TSHR: variants seen among roughly 807,000 people sequenced by gnomAD.
TSHR encodes the protein thyrotropin receptor.
In TSHR, 51 loss-of-function variants were observed where a neutral mutation model predicts 64.1. That is an observed-to-expected ratio of 0.80 (90% CI 0.64 to 1.01). TSHR has a LOEUF of 1.01. Ranked by LOEUF, TSHR falls within the 50% of genes least tolerant of loss-of-function variation. TSHR has a pLI of 0.00. For synonymous variants in TSHR, 361 were observed against 361.9 expected (o/e 1.00, Z 0.03); for missense variants, 877 against 942.8 (o/e 0.93, Z 0.91).
In TSHR at chr14:81,067,927, C is replaced by CTATATATATATATATATATATA. The variant is rs10528934; in HGVS notation, c.243-321_243-300dup. ...TAGTGGAACATTCCACAGGGTGACA[C>CTATATATATATATATATATATA]TATATATATATATATATATATATAT... is the stretch of plus-strand genomic sequence containing the variant. On this transcript the variant is annotated intron_variant, in intron 2 of 9. Transcript: ENST00000298171. Among the ~76,000 whole-genome samples, 826 of 95,526 alleles carry CTATATATATATATATATATATA rather than the reference C, an allele frequency of 8.6e-3. 50 individuals are homozygous for CTATATATATATATATATATATA. Among genetic ancestry groups the CTATATATATATATATATATATA allele is most frequent in the African/African-American group, 0.025 (423 of 16,784 alleles). 62.7% of individuals were successfully genotyped at this position (95,526 alleles called of 152,430 possible). A position where few individuals can be genotyped will look rare whatever the true frequency, so the allele number is the denominator to read the frequency against.
At chr14:81,096,414 T>G (rs1889193945) in intron 6 of TSHR, among the ~76,000 whole-genome samples, 1 of 152,170 alleles carries the variant, frequency 6.6e-6, no homozygotes, top group Non-Finnish European at 1.5e-5. Context: ...AGAAACACCT[T>G]AAATTTACTA....
At chr14:81,025,391 C>G (rs559278920) in intron 1 of TSHR, among the ~76,000 whole-genome samples, 1 of 151,866 alleles carries the variant, frequency 6.6e-6, no homozygotes, top group Non-Finnish European at 1.5e-5. Flanking sequence ...ATTAAACTTG[C>G]AGTTCAAAGA....
intron 1 of TSHR, among the ~76,000 whole-genome samples, chr14:80,990,676 C>T (rs919467299): frequency 3.3e-5 from 5 of 150,666 alleles, no homozygotes; most frequent in Admixed American, 6.6e-5. Context: ...TTTTTTTACA[C>T]GGAGTTTCGC....
intron 1 of TSHR, among the ~76,000 whole-genome samples, chr14:80,996,309 C>T (rs1484934730): frequency 2.0e-5 from 3 of 152,094 alleles, no homozygotes; most frequent in African/African-American, 7.2e-5. Context: ...CTTCTACATC[C>T]TCCCTCTTTC....
At chr14:80,983,748 T>A (rs1888295021) in intron 1 of TSHR, 1 of 386,782 alleles carries the variant, frequency 2.6e-6, no homozygotes, top group South Asian at 1.3e-4. Context: ...AGTTATACAT[T>A]GCATCTTTAA....
chr14:81,042,875 C>T (rs556135395), intron 1 of TSHR, among the ~76,000 whole-genome samples: 1 of 152,188 alleles, frequency 6.6e-6, no homozygotes, highest in South Asian at 2.1e-4. Flanking sequence ...CACAACTATA[C>T]ATGTACTGAA....
Position 81,016,958 on chromosome 14 carries a change from C to T in TSHR, c.171-45190C>T, listed in dbSNP as rs368493241. 3.2e-4 allele frequency among the ~76,000 whole-genome samples: 49 copies of T among 152,208 alleles called. No homozygotes were observed. In the Middle Eastern group the frequency reaches 0.027, roughly 85 times the overall value. ...TACAATGTTAGATGTGTGTTGGAAACCAGCATGTGAATGTCACCTCAACAA... is the reference window on the plus strand; with the variant it reads ...TACAATGTTAGATGTGTGTTGGAAATCAGCATGTGAATGTCACCTCAACAA... On this transcript the variant is annotated intron_variant, in intron 1 of 9. Coordinates refer to ENST00000298171, the MANE Select transcript of TSHR (RefSeq NM_000369.5).
chr14:81,028,500 G>T (rs1884187124), intron 1 of TSHR, among the ~76,000 whole-genome samples: 1 of 151,898 alleles, frequency 6.6e-6, no homozygotes, highest in Non-Finnish European at 1.5e-5. Flanking sequence ...CATTGAGTTG[G>T]GATCCCAAAG....
intron 3 of TSHR, among the ~76,000 whole-genome samples, chr14:81,073,017 A>AAAAAAATAT (rs1555376957): frequency 3.3e-5 from 3 of 91,192 alleles, no homozygotes; most frequent in African/African-American, 1.3e-4. Context: ...AAAAATAAAA[A>AAAAAAATAT]ATAAATATAT....
In TSHR at chr14:81,024,318, G is replaced by A. The variant is rs568527000; in HGVS notation, c.171-37830G>A. ...GTCTGGAGTGCAGTGGCGCAATCTC[G>A]GCTCACTGCAACCTCCACCTTCCGG... On this transcript the variant is annotated intron_variant, in intron 1 of 9. Coordinates refer to ENST00000298171, the MANE Select transcript of TSHR (RefSeq NM_000369.5). Among the ~76,000 whole-genome samples, 6 of 151,844 alleles carry A rather than the reference G, an allele frequency of 4.0e-5. 1 individual carries two copies. Among genetic ancestry groups the A allele is most frequent in the African/African-American group, 1.5e-4 (6 of 41,374 alleles).
intron 1 of TSHR, chr14:81,001,591 C>A: frequency 1.9e-6 from 1 of 525,496 alleles, no homozygotes; most frequent in South Asian, 1.4e-5. Flanking sequence ...TTGGCCTGGG[C>A]ACTACCAACT....
At chr14:80,971,659 T>TATGA (rs1887595251) in intron 1 of TSHR, among the ~76,000 whole-genome samples, 1 of 152,196 alleles carries the variant, frequency 6.6e-6, no homozygotes, top group South Asian at 2.1e-4. Flanking sequence ...ATTGAAAGGA[T>TATGA]ATGAAGCACC....
Position 81,143,891 on chromosome 14 carries a change from G to A in TSHR, c.1833G>A (p.Pro611=), listed in dbSNP as rs374858561. The change falls in exon 10 of 10, where the codon CCG becomes CCA. Residue 611 remains proline (P), a synonymous_variant. Coordinates refer to ENST00000298171, the MANE Select transcript of TSHR (RefSeq NM_000369.5). ...YVKIYITVRN[P]QYNPGDKDTK... ...AGATCTACATCACAGTCCGAAATCC[G>A]CAGTACAACCCAGGGGACAAAGATA... is the stretch of plus-strand genomic sequence containing the variant. 44 of 1,613,882 alleles carry A rather than the reference G, an allele frequency of 2.7e-5. No individual in the cohort carries two copies. The highest frequency in any genetic ancestry group is 2.5e-4 in the East Asian group (11 of 44,878).
chr14:81,075,796 T>C (rs1396227896), intron 3 of TSHR, among the ~76,000 whole-genome samples: 1 of 151,938 alleles, frequency 6.6e-6, no homozygotes, highest in Non-Finnish European at 1.5e-5. Context: ...CATTACTGAG[T>C]ATATACCCAA....
At chr14:81,121,371 G>C (rs148124681) in intron 8 of TSHR, among the ~76,000 whole-genome samples, 16 of 152,144 alleles carry the variant, frequency 1.1e-4, no homozygotes. Flanking sequence ...ATTCTGAAGG[G>C]AAAGTCATTT....
At chr14:81,018,801 G>T (rs1377645107) in intron 1 of TSHR, among the ~76,000 whole-genome samples, 2 of 152,094 alleles carry the variant, frequency 1.3e-5, no homozygotes, top group African/African-American at 2.4e-5. Context: ...AGTCTGAAAA[G>T]TTGGTCACCC....
At position 81,109,090 on chromosome 14, in the gene TSHR, T is replaced by C. The variant is rs555509365; in HGVS notation, c.692+638T>C. ...TTTGCCTCAGTTTAGAATCTCATCA[T>C]TGAGCATCCACTCTAGTCCTTGCCA... On this transcript the variant is annotated intron_variant, in intron 8 of 9. Transcript: ENST00000298171. The C allele has an allele frequency of 7.4e-4, 607 of 815,828 alleles. 1 individual carries two copies. Among genetic ancestry groups the C allele is most frequent in the Middle Eastern group, 4.6e-3 (9 of 1,952 alleles). 50.5% of individuals were successfully genotyped at this position (815,828 alleles called of 1,614,324 possible). A position where few individuals can be genotyped will look rare whatever the true frequency, so the allele number is the denominator to read the frequency against.
At chr14:80,965,213 G>A (rs541340526) in intron 1 of TSHR, among the ~76,000 whole-genome samples, 4 of 152,298 alleles carry the variant, frequency 2.6e-5, no homozygotes, top group African/African-American at 9.6e-5. Context: ...CACTGCGCTT[G>A]GGGTGTGACT....
At chr14:81,084,816 C>A (rs1349225723) in intron 3 of TSHR, among the ~76,000 whole-genome samples, 6 of 152,230 alleles carry the variant, frequency 3.9e-5, no homozygotes, top group African/African-American at 1.4e-4. Flanking sequence ...CCCTCAGAGG[C>A]ATGCTTGAAG....
Sources: allele counts gnomAD v4.1 joint callset (sites outside exome capture counted in the v4.1 genomes callset), GRCh38; gene constraint gnomAD v4.1.1; transcripts MANE v1.5; gene names NCBI Gene and HGNC (gene_info 2026-07-23, HGNC 2026-07-21).